The following PML variants were observed in gnomAD, a reference collection of about 807,000 sequenced individuals.
PML encodes the protein protein PML.
A neutral mutation model predicts 65.2 loss-of-function variants in PML; 28 were observed. The ratio of observed to expected loss-of-function variants is 0.43; its 90% CI spans 0.32 to 0.59. The LOEUF (loss-of-function observed/expected upper bound fraction) is 0.59, where lower values mean the gene tolerates loss of function less well. Ranked by LOEUF, PML falls within the 20% of genes least tolerant of loss-of-function variation. The pLI, the probability that PML is intolerant of heterozygous loss-of-function variation, is 0.08. For missense variants in PML, 1,021 were observed against 1,203.4 expected, an observed-to-expected ratio of 0.85 and a Z score of 2.24; for synonymous variants, 500 against 508.8, an observed-to-expected ratio of 0.98 and a Z score of 0.23.
chr15:74,017,132 A>G (rs1471144790), intron 2 of PML, among the ~76,000 whole-genome samples: 1 of 151,894 alleles, frequency 6.6e-6, no homozygotes, highest in Non-Finnish European at 1.5e-5. Context: ...GGTTTCTTTT[A>G]TTTCTTCAGT....
chr15:74,044,271 G>C lies in PML; in HGVS notation c.1912G>C (p.Val638Leu). The C allele has an allele frequency of 6.2e-7, 1 of 1,614,042 alleles. No homozygotes were observed. Among genetic ancestry groups the C allele is most frequent in the Admixed American group, 1.7e-5 (1 of 60,034 alleles). ...AAVNRESKFR[V>L]VIQPEAFFSI... ...GGTGAACCGGGAAAGCAAGTTCCGC[G>C]TGGTCATCCAGCCTGAAGCCTTCTT... The change falls in exon 9 of 9, where the codon GTG (valine) becomes CTG (leucine). Residue 638 changes from valine to leucine, a missense_variant. Transcript: ENST00000268058.
intron 2 of PML, among the ~76,000 whole-genome samples, chr15:74,004,859 A>G (rs2069961486): frequency 6.6e-6 from 1 of 151,822 alleles, no homozygotes; most frequent in Non-Finnish European, 1.5e-5. Context: ...GGAATGCGCC[A>G]CTACACCTGG....
intron 6 of PML, 103 bp downstream of exon 6, chr15:74,033,517 G>GCCAAA: frequency 7.9e-7 from 1 of 1,258,366 alleles, no homozygotes; most frequent in South Asian, 1.2e-5. Context: ...AAAGCCAACA[G>GCCAAA]GAGTCCCTTA....
Position 74,044,919 on chromosome 15 carries a change from T to C in PML, c.2560T>C (p.Leu854=), listed in dbSNP as rs781458512. The change falls in exon 9 of 9, where the codon TTG becomes CTG. Residue 854 remains leucine, a synonymous_variant. Coordinates refer to ENST00000268058, the MANE Select transcript of PML (RefSeq NM_033238.3). ...QALGTYFEGL[L]EGPALARAEG... ...TCTGGGCACCTACTTTGAAGGCCTG[T>C]TGGAGGGTCCGGCGCTGGCACGGGC... is the stretch of plus-strand genomic sequence containing the variant. 7 of 1,613,380 alleles carry C rather than the reference T, an allele frequency of 4.3e-6. No homozygotes were observed. The highest frequency in any genetic ancestry group is 3.3e-5 in the Admixed American group (2 of 60,014).
chr15:73,999,269 C>T (rs1402862417), intron 2 of PML, among the ~76,000 whole-genome samples: 1 of 152,196 alleles, frequency 6.6e-6, no homozygotes, highest in African/African-American at 2.4e-5. Flanking sequence ...GGTAGCATAA[C>T]TATGTGAACT....
Position 74,014,318 on chromosome 15 carries a change from T to C in PML, c.603-8510T>C, listed in dbSNP as rs139304995. Among the ~76,000 whole-genome samples the C allele has an allele frequency of 2.3e-4, 35 of 152,120 alleles. 1 individual carries two copies. The East Asian group carries it at 6.8e-3, about 30-fold the overall frequency. On this transcript the variant is annotated intron_variant, in intron 2 of 8. Coordinates refer to ENST00000268058, the MANE Select transcript of PML (RefSeq NM_033238.3). ...ACCCTTGCCGCATGCCTAGACCTAG[T>C]TGGTACTTAGTAATTTTGGGGGGGT...
intron 1 of PML, among the ~76,000 whole-genome samples, chr15:73,997,235 T>C (rs187926366): frequency 1.3e-5 from 2 of 152,338 alleles, no homozygotes; most frequent in African/African-American, 2.4e-5. Context: ...TACTGAGGCA[T>C]GGAGAGTTGC....
intron 7 of PML, among the ~76,000 whole-genome samples, chr15:74,040,085 A>G (rs867110751): frequency 6.6e-6 from 1 of 152,178 alleles, no homozygotes; most frequent in Non-Finnish European, 1.5e-5. Context: ...TATATCCTGA[A>G]AAAATCCTGG....
chr15:74,007,230 A>G (rs938825910), intron 2 of PML, among the ~76,000 whole-genome samples: 2 of 152,224 alleles, frequency 1.3e-5, no homozygotes, highest in Non-Finnish European at 2.9e-5. Context: ...GTTTTTAGTC[A>G]TGAGAGAAGC....
chr15:74,010,094 G>T (rs1341486602), intron 2 of PML, among the ~76,000 whole-genome samples: 2 of 150,680 alleles, frequency 1.3e-5, no homozygotes, highest in Non-Finnish European at 2.9e-5. Context: ...GCTTACTGAA[G>T]CCTTGACCTC....
At chr15:74,015,393 C>T (rs2057822219) in intron 2 of PML, among the ~76,000 whole-genome samples, 1 of 152,250 alleles carries the variant, frequency 6.6e-6, no homozygotes, top group Non-Finnish European at 1.5e-5. Flanking sequence ...TTTTACCACT[C>T]TACCAAAGTG....
intron 2 of PML, among the ~76,000 whole-genome samples, chr15:74,022,433 A>T (rs917395121): frequency 1.9e-4 from 29 of 152,150 alleles, no homozygotes; most frequent in Non-Finnish European, 8.8e-5. Context: ...TCAAGTCTGT[A>T]CCATCCTGCA....
In PML at chr15:74,043,595, G is replaced by C; in HGVS notation, c.1861+456G>C. 1 of 436,072 alleles carries C rather than the reference G, an allele frequency of 2.3e-6. No individual in the cohort carries two copies. The highest frequency in any genetic ancestry group is 1.9e-5 in the South Asian group (1 of 52,320). 27.0% of individuals were successfully genotyped at this position (436,072 alleles called of 1,614,324 possible). A position where few individuals can be genotyped will look rare whatever the true frequency, so the allele number is the denominator to read the frequency against. On this transcript the variant is annotated intron_variant, in intron 8 of 8. Transcript: ENST00000268058. This position sits in a 1 kb window ranked among gnomAD's most constrained non-coding sequence, Gnocchi z 4.3. ...CAGAGGGATCAGACCCCTTATCCTGGAAGCCCCTCTACTTCCTCCAGTGCT... is the reference window on the plus strand; with the variant it reads ...CAGAGGGATCAGACCCCTTATCCTGCAAGCCCCTCTACTTCCTCCAGTGCT...
chr15:74,009,637 G>T (rs1001259994), intron 2 of PML, among the ~76,000 whole-genome samples: 4 of 152,212 alleles, frequency 2.6e-5, no homozygotes, highest in Non-Finnish European at 5.9e-5. Context: ...TTGAGACAGT[G>T]TCTTGATCTG....
rs746137264 is a variant in PML, at chr15:74,044,857, C to T, written c.2498C>T (p.Thr833Met). Residue 833 changes from threonine (T) to methionine (M), a missense_variant, in exon 9 of 9, where the codon ACG (threonine) becomes ATG (methionine). Coordinates refer to ENST00000268058, the MANE Select transcript of PML (RefSeq NM_033238.3). ...YSRYLSLQTT[T>M]LPPAQPAFNL... ...CGCTATCTAAGCCTGCAGACCACCACGTTGCCCCCTGCCCAGCCTGCTTTC... is the reference window on the plus strand; with the variant it reads ...CGCTATCTAAGCCTGCAGACCACCATGTTGCCCCCTGCCCAGCCTGCTTTC... The T allele has an allele frequency of 2.0e-5, 33 of 1,613,382 alleles. No individual in the cohort carries two copies. Among genetic ancestry groups the T allele is most frequent in the African/African-American group, 5.3e-5 (4 of 74,954 alleles).
At chr15:73,998,614 T>G (rs1045688226) in intron 2 of PML, 138 bp downstream of exon 2, 12 of 738,738 alleles carry the variant, frequency 1.6e-5, no homozygotes, top group African/African-American at 1.6e-4. Flanking sequence ...TCTGCAGATA[T>G]GCAGTGTCCG....
At position 74,031,674 on chromosome 15, in the gene PML, G is replaced by A. The variant is rs146739584; in HGVS notation, c.1255-898G>A. ...CCGTCTGTTTTCCCTTCTTTTGGGT[G>A]CACACCTGGGGTAGAATTGCTAGGT... On this transcript the variant is annotated intron_variant, in intron 4 of 8. Transcript: ENST00000268058. Among the ~76,000 whole-genome samples, 857 of 152,302 alleles carry A rather than the reference G, an allele frequency of 5.6e-3. 10 individuals carry two copies. Among genetic ancestry groups the A allele is most frequent in the African/African-American group, 0.019 (806 of 41,560 alleles).
chr15:74,034,694 C>T, intron 7 of PML, 164 bp downstream of exon 7: 1 of 1,543,384 alleles, frequency 6.5e-7, no homozygotes, highest in Non-Finnish European at 8.8e-7. Flanking sequence ...CAAATGACAG[C>T]TGCATGCCTG....
chr15:74,004,757 A>C (rs2069955523), intron 2 of PML, among the ~76,000 whole-genome samples: 1 of 148,422 alleles, frequency 6.7e-6, no homozygotes. Context: ...TTGCTCTTGG[A>C]ATATAGTGGC....
Sources: gnomAD v4.1 joint callset for allele counts (sites outside exome capture counted in the v4.1 genomes callset) on GRCh38, gnomAD v4.1.1 for gene constraint, Gnocchi (gnomAD v3.1) non-coding constraint, MANE v1.5 for transcripts, NCBI Gene and HGNC (gene_info 2026-07-23, HGNC 2026-07-21) for gene names.